The following PRR12 variants were observed in gnomAD, a reference collection of about 807,000 sequenced individuals.
PRR12 encodes the protein proline-rich protein 12.
PRR12 carries 12 observed loss-of-function variants against 138.0 expected under a neutral mutation model. That is an observed-to-expected ratio of 0.09 (90% CI 0.06 to 0.14). The LOEUF is 0.14. Ranked by LOEUF, PRR12 falls within the 10% of genes least tolerant of loss-of-function variation. The probability of loss-of-function intolerance (pLI) is 1.00; values close to 1 mark genes in which losing one functional copy is unlikely to be tolerated. For synonymous variants in PRR12, 1,567 were observed against 1,291.7 expected, an observed-to-expected ratio of 1.21 and a Z score of -4.57; for missense variants, 2,692 against 2,861.3, an observed-to-expected ratio of 0.94 and a Z score of 1.35.
chr19:49,601,038 T>C (rs1273836218), intron 5 of PRR12, among the ~76,000 whole-genome samples: 1 of 152,034 alleles, frequency 6.6e-6, no homozygotes, highest in Non-Finnish European at 1.5e-5. Context: ...GTGAGGTTCT[T>C]AAAAAGCCTG....
chr19:49,612,468 G>A (rs995295858), intron 6 of PRR12, among the ~76,000 whole-genome samples: 3 of 152,044 alleles, frequency 2.0e-5, no homozygotes, highest in African/African-American at 7.2e-5. Flanking sequence ...TGATGACTGG[G>A]TGTGGGGTGG....
intron 6 of PRR12, among the ~76,000 whole-genome samples, chr19:49,608,117 T>C (rs970679726): frequency 2.6e-5 from 4 of 152,174 alleles, no homozygotes; most frequent in South Asian, 2.1e-4. Context: ...CTTTTTTGCA[T>C]ACCAAGACTT....
chr19:49,601,761 A>C lies in PRR12; in HGVS notation c.4616A>C (p.Glu1539Ala). 1.3e-6 allele frequency: 2 copies of C among 1,588,714 alleles called. No individual in the cohort carries two copies. Among genetic ancestry groups the C allele is most frequent in the Non-Finnish European group, 1.7e-6 (2 of 1,170,028 alleles). The stretch of plus-strand genomic sequence containing the variant: ...GCCGCCCCGTCTCCCGAAGACCCCG[A>C]GCTGCCGGACACCCGGCCCCTGCAT... ...EPAAPSPEDP[E>A]LPDTRPLHLA... The change falls in exon 6 of 14, where the codon GAG (glutamate) becomes GCG (alanine). Residue 1539 changes from glutamate to alanine, a missense_variant. Glu to Ala is a moderately radical substitution (Grantham distance 107). Coordinates refer to ENST00000418929, the MANE Select transcript of PRR12 (RefSeq NM_020719.3).
In PRR12 at chr19:49,597,536, C is replaced by T. The variant is rs778661837; in HGVS notation, c.3201C>T (p.Thr1067=). 4.9e-5 allele frequency: 77 copies of T among 1,571,902 alleles called. 1 individual carries two copies. In the Admixed American group the frequency reaches 1.4e-3, roughly 28 times the overall value. The change falls in exon 4 of 14, where the codon ACC becomes ACT. Residue 1067 remains threonine, a synonymous_variant. Transcript: ENST00000418929. This position sits in a 1 kb window ranked among gnomAD's most constrained non-coding sequence, Gnocchi z 6.3. Reference sequence around the variant, plus strand: ...TCACCTCGCCCATCTTCTGCTCTACCAAGCCAAAGAAGCTGCTCAAGACAT... The same window carrying T: ...TCACCTCGCCCATCTTCTGCTCTACTAAGCCAAAGAAGCTGCTCAAGACAT... ...GGLTSPIFCS[T]KPKKLLKTSS... is the part of the protein sequence containing the mutation.
chr19:49,598,027 G>T lies in PRR12; in HGVS notation c.3678+14G>T. 7.4e-7 allele frequency: 1 copy of T among 1,346,610 alleles called. No homozygotes were observed. The allele number at this position is 1,346,610 out of a possible 1,614,324, so 83.4% of individuals were successfully genotyped here. ...AAGCCACTTAAGGTGAGGGGAAATG[G>T]GGTCTTGTAGGGGATAGGGGAGGAG... On this transcript the variant is annotated intron_variant, in intron 4 of 13. Transcript: ENST00000418929.
rs762556884 is a variant in PRR12, at chr19:49,599,618, G to A, written c.4025G>A (p.Gly1342Glu). The A allele has an allele frequency of 2.5e-6, 4 of 1,603,952 alleles. No homozygotes were observed. Among genetic ancestry groups the A allele is most frequent in the Non-Finnish European group, 3.4e-6 (4 of 1,173,766 alleles). ...VPHPPPSGAFGLGGALEAAES... is the reference protein window; with the variant it reads ...VPHPPPSGAFELGGALEAAES... The stretch of plus-strand genomic sequence containing the variant: ...CATCCCCCACCTTCCGGAGCCTTTG[G>A]GCTTGGGGGCGCCCTGGAGGCTGCA... Residue 1342 changes from glycine to glutamate, a missense_variant, in exon 5 of 14, where the codon GGG becomes GAG. Gly to Glu is a moderately conservative substitution (Grantham distance 98). Coordinates refer to ENST00000418929, the MANE Select transcript of PRR12 (RefSeq NM_020719.3). This position sits in a 1 kb window ranked among gnomAD's most constrained non-coding sequence, Gnocchi z 5.0.
intron 11 of PRR12, among the ~76,000 whole-genome samples, chr19:49,624,224 C>T (rs2080941662): frequency 6.9e-6 from 1 of 143,886 alleles, no homozygotes; most frequent in African/African-American, 2.6e-5. Flanking sequence ...ACTGAGAATT[C>T]TGGGGTAGGT....
Position 49,597,904 on chromosome 19 carries a change from C to A in PRR12, c.3569C>A (p.Ala1190Asp). ...EVPTTAGPAS[A>D]STPTDGAKKP... Reference sequence around the variant, plus strand: ...CCGACCACTGCGGGGCCCGCCTCGGCCTCCACGCCCACCGATGGCGCCAAG... The same window carrying A: ...CCGACCACTGCGGGGCCCGCCTCGGACTCCACGCCCACCGATGGCGCCAAG... Residue 1190 changes from alanine to aspartate, a missense_variant, in exon 4 of 14, where the codon GCC becomes GAC. Physicochemically the swap from Ala to Asp is moderately radical, Grantham distance 126. Around this residue, in one of 11 missense-constraint regions of PRR12, gnomAD observed 326 missense variants for 344.2 expected, o/e 0.95. Coordinates refer to ENST00000418929, the MANE Select transcript of PRR12 (RefSeq NM_020719.3). This position sits in a 1 kb window ranked among gnomAD's most constrained non-coding sequence, Gnocchi z 6.3. The A allele has an allele frequency of 7.1e-7, 1 of 1,412,092 alleles. No homozygotes were observed. The highest frequency in any genetic ancestry group is 2.8e-5 in the East Asian group (1 of 36,162). The allele number at this position is 1,412,092 out of a possible 1,614,324, so 87.5% of individuals were successfully genotyped here. A position where few individuals can be genotyped will look rare whatever the true frequency, so the allele number is the denominator to read the frequency against.
chr19:49,591,924 C>T (rs1340588640), intron 1 of PRR12, among the ~76,000 whole-genome samples, 184 bp downstream of exon 1: 1 of 152,058 alleles, frequency 6.6e-6, no homozygotes, highest in Non-Finnish European at 1.5e-5. Context: ...GCAAACTCCG[C>T]CAAAGCCAGC....
Position 49,599,872 on chromosome 19 carries a change from G to C in PRR12, c.4279G>C (p.Ala1427Pro). ...STPDGPPLAPAAAVPGPPPLP... is the reference protein window; with the variant it reads ...STPDGPPLAPPAAVPGPPPLP... ...CCCAGATGGGCCGCCCTTGGCCCCCGCGGCTGCAGTTCCAGGGCCACCCCC... is the reference window on the plus strand; with the variant it reads ...CCCAGATGGGCCGCCCTTGGCCCCCCCGGCTGCAGTTCCAGGGCCACCCCC... The change falls in exon 5 of 14, where the codon GCG becomes CCG. Residue 1427 changes from alanine to proline, a missense_variant. This residue lies in a region of PRR12 where 231 missense variants were observed against 200.8 expected (regional missense o/e 1.15). Coordinates refer to ENST00000418929, the MANE Select transcript of PRR12 (RefSeq NM_020719.3). This position sits in a 1 kb window ranked among gnomAD's most constrained non-coding sequence, Gnocchi z 5.0. The C allele has an allele frequency of 1.2e-6, 2 of 1,612,690 alleles. No homozygotes were observed. The highest frequency in any genetic ancestry group is 1.6e-4 in the Middle Eastern group (1 of 6,062).
Position 49,599,316 on chromosome 19 carries a change from A to C in PRR12, c.3723A>C (p.Ser1241=). 1 of 1,612,810 alleles carries C rather than the reference A, an allele frequency of 6.2e-7. No homozygotes were observed. Among genetic ancestry groups the C allele is most frequent in the South Asian group, 1.1e-5 (1 of 91,022 alleles). ...AGGCTGGCGAGGGTCTGGGAACCTCATCGGGTGATGCCATATCAGGCACTG... is the reference window on the plus strand; with the variant it reads ...AGGCTGGCGAGGGTCTGGGAACCTCCTCGGGTGATGCCATATCAGGCACTG... ...VPKAGEGLGT[S]SGDAISGTDH... Residue 1241 remains serine (S), a synonymous_variant, in exon 5 of 14, where the codon TCA becomes TCC. Coordinates refer to ENST00000418929, the MANE Select transcript of PRR12 (RefSeq NM_020719.3). The surrounding 1 kb of genome is among the most constrained non-coding windows in gnomAD (Gnocchi z 5.0).
chr19:49,594,670 C>T lies in PRR12; in HGVS notation c.362-27C>T. On this transcript the variant is annotated intron_variant, in intron 3 of 13. Transcript: ENST00000418929. The surrounding 1 kb of genome is among the most constrained non-coding windows in gnomAD (Gnocchi z 5.6). Reference sequence around the variant, plus strand: ...GGGTGGGACTGGCTCGCTGTTCTCTCTGACGCGCGGTCTTCCTCATCTCCA... The same window carrying T: ...GGGTGGGACTGGCTCGCTGTTCTCTTTGACGCGCGGTCTTCCTCATCTCCA... 1 of 1,610,868 alleles carries T rather than the reference C, an allele frequency of 6.2e-7. No individual in the cohort carries two copies. The highest frequency in any genetic ancestry group is 8.5e-7 in the Non-Finnish European group (1 of 1,179,536).
chr19:49,592,974 G>A (rs530853912), intron 1 of PRR12, among the ~76,000 whole-genome samples: 24 of 151,984 alleles, frequency 1.6e-4, no homozygotes, highest in Admixed American at 5.2e-4. Context: ...ACGGGGGCTG[G>A]GGGGGGTTTG....
chr19:49,598,768 G>A (rs555328684), intron 4 of PRR12, among the ~76,000 whole-genome samples: 24 of 152,330 alleles, frequency 1.6e-4, no homozygotes, highest in African/African-American at 5.3e-4. Context: ...GCTGCAGGGA[G>A]CTATGATTGC....
intron 10 of PRR12, among the ~76,000 whole-genome samples, chr19:49,620,903 C>T (rs2080919204): frequency 7.7e-6 from 1 of 129,344 alleles, no homozygotes; most frequent in Non-Finnish European, 1.6e-5. Flanking sequence ...ACTCCCAGGT[C>T]TGAGGAAGGA....
chr19:49,621,353 G>A (rs1287811300), intron 10 of PRR12, among the ~76,000 whole-genome samples, 172 bp from the exon 11 acceptor site: 3 of 151,206 alleles, frequency 2.0e-5, no homozygotes, highest in Non-Finnish European at 4.4e-5. Flanking sequence ...TGGGTCTGAG[G>A]GAGGAGGGAG....
In PRR12 at chr19:49,593,433, C is replaced by G. The variant is rs770550985; in HGVS notation, c.193C>G (p.Pro65Ala). The G allele has an allele frequency of 2.5e-6, 4 of 1,573,544 alleles. No homozygotes were observed. The highest frequency in any genetic ancestry group is 1.4e-5 in the African/African-American group (1 of 74,034). Residue 65 changes from proline to alanine, a missense_variant, in exon 2 of 14, where the codon CCG becomes GCG. By Grantham distance (27) the Pro-to-Ala change is conservative. Around this residue, in one of 11 missense-constraint regions of PRR12, gnomAD observed 211 missense variants for 266.3 expected, o/e 0.79. Coordinates refer to ENST00000418929, the MANE Select transcript of PRR12 (RefSeq NM_020719.3). ...PLQSYATNHH[P>A]AGLSGLFDTG... ...GCAAAGCTATGCCACCAACCACCAC[C>G]CGGCAGGTACGGCCCCCATCCCGCC...
rs1009720749 is a variant in PRR12, at chr19:49,593,408, G to A, written c.168G>A (p.Leu56=). 1.3e-6 allele frequency: 2 copies of A among 1,599,096 alleles called. No homozygotes were observed. The highest frequency in any genetic ancestry group is 2.8e-5 in the African/African-American group (2 of 71,964). The change falls in exon 2 of 14, where the codon CTG becomes CTA. Residue 56 remains leucine (L), a synonymous_variant. Transcript: ENST00000418929. The stretch of plus-strand genomic sequence containing the variant: ...AGGCCTATGCGGCCCCCCACCCACT[G>A]CAAAGCTATGCCACCAACCACCACC... ...HRQAYAAPHP[L]QSYATNHHPA... is the part of the protein sequence containing the mutation.
intron 2 of PRR12, 99 bp downstream of exon 2, chr19:49,593,538 G>T: frequency 3.2e-6 from 2 of 632,806 alleles, no homozygotes; most frequent in South Asian, 1.7e-5. Context: ...ATTGGCCGTG[G>T]CCCGTGCCGT....
Sources: allele counts gnomAD v4.1 joint callset (sites outside exome capture counted in the v4.1 genomes callset), GRCh38; gene constraint gnomAD v4.1.1; regional missense constraint gnomAD v4.1.1; non-coding constraint Gnocchi (gnomAD v3.1); transcripts MANE v1.5; gene names NCBI Gene and HGNC (gene_info 2026-07-23, HGNC 2026-07-21).